The following NKIRAS1 variants were observed in gnomAD, a reference collection of about 807,000 sequenced individuals.
The protein encoded by NKIRAS1 is NF-kappa-B inhibitor-interacting Ras-like protein 1.
Under a neutral mutation model 19.8 loss-of-function variants are expected in NKIRAS1, and 16 were observed. The observed-to-expected ratio is 0.81, with a 90% CI of 0.55 to 1.23. The LOEUF is 1.23. NKIRAS1 is among the 50% of genes most tolerant of loss of function. NKIRAS1 has a pLI of 0.00. For missense variants in NKIRAS1, 184 were observed against 220.0 expected (o/e 0.84, Z 1.04); for synonymous variants, 88 against 79.0 (o/e 1.11, Z -0.61).
intron 4 of NKIRAS1, among the ~76,000 whole-genome samples, chr3:23,895,730 T>TC (rs1701914865): frequency 6.6e-6 from 1 of 152,210 alleles, no homozygotes; most frequent in Non-Finnish European, 1.5e-5. Context: ...ATTTACTCTG[T>TC]AATGAGATAT....
At chr3:23,897,534 A>G (rs1702102703) in intron 4 of NKIRAS1, among the ~76,000 whole-genome samples, 1 of 152,196 alleles carries the variant, frequency 6.6e-6, no homozygotes. Context: ...ATCTCACTAA[A>G]AGTGAAAGGC....
At chr3:23,904,819 A>G (rs1702864839) in intron 3 of NKIRAS1, among the ~76,000 whole-genome samples, 1 of 152,216 alleles carries the variant, frequency 6.6e-6, no homozygotes, top group Admixed American at 6.5e-5. Flanking sequence ...TTATCACATA[A>G]TAGCCAGGAT....
intron 1 of NKIRAS1, among the ~76,000 whole-genome samples, chr3:23,913,033 T>A (rs1703933704): frequency 9.4e-6 from 1 of 106,276 alleles, no homozygotes; most frequent in South Asian, 3.2e-4. Context: ...AGAGTGAGAC[T>A]CCGTCTCAAA....
intron 1 of NKIRAS1, among the ~76,000 whole-genome samples, chr3:23,945,086 A>G (rs1705601249): frequency 1.3e-5 from 2 of 151,152 alleles, no homozygotes; most frequent in African/African-American, 2.4e-5. Context: ...CACGGAGGGG[A>G]AAAACGAAGG....
intron 1 of NKIRAS1, among the ~76,000 whole-genome samples, chr3:23,938,999 G>C (rs1357931254): frequency 6.6e-6 from 1 of 152,168 alleles, no homozygotes; most frequent in East Asian, 1.9e-4. Context: ...TCCACCCACT[G>C]TCTGATTGCC....
chr3:23,909,192 G>T lies in NKIRAS1; in HGVS notation c.94+1619C>A, dbSNP rs138367642. Among the ~76,000 whole-genome samples, 731 of 152,244 alleles carry T rather than the reference G, an allele frequency of 4.8e-3. 7 individuals are homozygous for T. The highest frequency in any genetic ancestry group is 0.016 in the African/African-American group (682 of 41,556). Reference sequence around the variant, plus strand: ...TGTTAAACATTATTTTAGAAAGCTAGAAGAGAAGCAGAGCACATAGAAATG... The same window carrying T: ...TGTTAAACATTATTTTAGAAAGCTATAAGAGAAGCAGAGCACATAGAAATG... On this transcript the variant is annotated intron_variant, in intron 3 of 4. Coordinates refer to ENST00000425478, the MANE Select transcript of NKIRAS1 (RefSeq NM_020345.4).
intron 3 of NKIRAS1, among the ~76,000 whole-genome samples, chr3:23,907,779 G>GTA (rs1281611091): frequency 6.6e-6 from 1 of 152,100 alleles, no homozygotes; most frequent in Non-Finnish European, 1.5e-5. Flanking sequence ...CAAGCCTTGA[G>GTA]TATATATCTT....
At chr3:23,913,862 G>A (rs990582833) in intron 1 of NKIRAS1, among the ~76,000 whole-genome samples, 2 of 152,150 alleles carry the variant, frequency 1.3e-5, no homozygotes, top group African/African-American at 4.8e-5. Flanking sequence ...TGTAGTACAT[G>A]GGTCACCTTT....
chr3:23,896,774 G>A (rs1381092048), intron 4 of NKIRAS1, among the ~76,000 whole-genome samples: 1 of 150,428 alleles, frequency 6.6e-6, no homozygotes, highest in African/African-American at 2.5e-5. Context: ...AGGAGTTCAA[G>A]ACTAGCCTGA....
upstream of NKIRAS1, chr3:23,918,250 AAC>A (rs1394778571): frequency 2.2e-6 from 2 of 898,936 alleles, no homozygotes; most frequent in South Asian, 1.8e-5. Context: ...AAGCAAAATA[AAC>A]AGTGTGCCTC....
chr3:23,897,877 A>G (rs1702133796), intron 4 of NKIRAS1, among the ~76,000 whole-genome samples: 1 of 152,166 alleles, frequency 6.6e-6, no homozygotes, highest in Admixed American at 6.5e-5. Flanking sequence ...TTTGTTCTCT[A>G]CCACATTCCC....
At chr3:23,920,165 C>T (rs899622964), upstream of NKIRAS1, 61 of 985,596 alleles carry the variant, frequency 6.2e-5, no homozygotes, top group Admixed American at 2.5e-4. Context: ...GAGCCAGTGG[C>T]CATTAGATAA....
Position 23,904,201 on chromosome 3 carries a change from C to T in NKIRAS1, c.95-3152G>A, listed in dbSNP as rs992652041. Among the ~76,000 whole-genome samples the T allele has an allele frequency of 3.9e-5, 6 of 152,304 alleles. 1 individual carries two copies. Among genetic ancestry groups the T allele is most frequent in the Admixed American group, 6.5e-5 (1 of 15,296 alleles). The stretch of plus-strand genomic sequence containing the variant: ...ATTCTATGACGCATCACTGAAATTT[C>T]AGAACACTGGTGTCTTAGTCCATTT... On this transcript the variant is annotated intron_variant, in intron 3 of 4. Coordinates refer to ENST00000425478, the MANE Select transcript of NKIRAS1 (RefSeq NM_020345.4).
At chr3:23,909,253 G>C (rs1486580468) in intron 3 of NKIRAS1, among the ~76,000 whole-genome samples, 1 of 152,204 alleles carries the variant, frequency 6.6e-6, no homozygotes, top group Non-Finnish European at 1.5e-5. Flanking sequence ...CAGGCGCAGT[G>C]GCTCACGCCT....
chr3:23,905,008 A>C (rs934424648), intron 3 of NKIRAS1, among the ~76,000 whole-genome samples: 2 of 151,978 alleles, frequency 1.3e-5, no homozygotes, highest in Non-Finnish European at 2.9e-5. Context: ...TTTTTTTTCT[A>C]AATAGAGATG....
rs140678550 is a variant in NKIRAS1 at position 23,925,591 on chromosome 3, G to A, written c.-139-14141C>T. Among the ~76,000 whole-genome samples, 753 of 152,202 alleles carry A rather than the reference G, an allele frequency of 4.9e-3. 2 individuals carry two copies. Among genetic ancestry groups the A allele is most frequent in the African/African-American group, 0.017 (706 of 41,502 alleles). ...TGAAGCTGCGGTGAGCCAAGACTGC[G>A]CCACTGCACTTCAGCCTGGTTGACA... On this transcript the variant is annotated intron_variant, in intron 1 of 4. Coordinates refer to the NKIRAS1 transcript ENST00000421515.
In NKIRAS1 at chr3:23,945,829, C is replaced by A. The variant is rs1407478336; in HGVS notation, c.-140+494G>T. Among the ~76,000 whole-genome samples the A allele has an allele frequency of 4.0e-5, 6 of 150,898 alleles. No individual in the cohort carries two copies. In the South Asian group the frequency reaches 1.2e-3, roughly 31 times the overall value. On this transcript the variant is annotated intron_variant, in intron 1 of 4. Coordinates refer to the NKIRAS1 transcript ENST00000421515. ...GGCCTGCCGGCGCCCGGCCCGGCCC[C>A]CCCCTCACATGGCCCGGCCGCGCGA...
chr3:23,903,352 C>A (rs745729790), intron 3 of NKIRAS1, among the ~76,000 whole-genome samples: 7 of 152,084 alleles, frequency 4.6e-5, no homozygotes, highest in Non-Finnish European at 7.4e-5. Context: ...TGAGCTCAAG[C>A]AATCTGCCTG....
chr3:23,924,063 T>G (rs1575126616), intron 1 of NKIRAS1: 1 of 152,186 alleles, frequency 6.6e-6, no homozygotes, highest in Non-Finnish European at 1.5e-5. Context: ...CCTCCACACT[T>G]CCCACAACTG....
Sources: allele counts gnomAD v4.1 joint callset (sites outside exome capture counted in the v4.1 genomes callset), GRCh38; gene constraint gnomAD v4.1.1; transcripts MANE v1.5; gene names NCBI Gene and HGNC (gene_info 2026-07-23, HGNC 2026-07-21).